NAV3: variants seen among roughly 807,000 people sequenced by gnomAD.
NAV3 encodes neuron navigator 3.
Under a neutral mutation model 244.7 loss-of-function variants are expected in NAV3, and 87 were observed. That is an observed-to-expected ratio of 0.36 (90% CI 0.30 to 0.42). NAV3 has a LOEUF of 0.42. Among genes scored for constraint, NAV3 ranks in the 20% least tolerant of loss-of-function variants. NAV3 has a pLI of 1.00. For missense variants in NAV3, 2,663 were observed against 2,893.3 expected (o/e 0.92, Z 1.83); for synonymous variants, 1,126 against 1,042.2 (o/e 1.08, Z -1.55).
At chr12:78,126,642 A>G (rs1955919061) in intron 16 of NAV3, among the ~76,000 whole-genome samples, 1 of 143,810 alleles carries the variant, frequency 7.0e-6, no homozygotes, top group Non-Finnish European at 1.6e-5. Context: ...AGAATCAATT[A>G]AGTTTTAAGC....
intron 2 of NAV3, among the ~76,000 whole-genome samples, chr12:77,665,949 T>C (rs533101073): frequency 3.9e-5 from 6 of 152,202 alleles, no homozygotes; most frequent in Non-Finnish European, 5.9e-5. Context: ...CATTTCGCTT[T>C]AATTCATTTA....
chr12:78,012,710 A>G (rs888258930), intron 8 of NAV3, among the ~76,000 whole-genome samples: 14 of 151,952 alleles, frequency 9.2e-5, no homozygotes, highest in Non-Finnish European at 1.6e-4. Context: ...ATCTCCAACC[A>G]CCTACTCCAG....
intron 2 of NAV3, among the ~76,000 whole-genome samples, chr12:77,734,843 A>G (rs145652301): frequency 6.6e-6 from 1 of 152,302 alleles, no homozygotes; most frequent in African/African-American, 2.4e-5. Context: ...GAAAGTAAAT[A>G]CTAGAACGCA....
chr12:77,811,368 T>G (rs1872278678), intron 2 of NAV3, among the ~76,000 whole-genome samples: 3 of 152,100 alleles, frequency 2.0e-5, no homozygotes, highest in Non-Finnish European at 4.4e-5. Flanking sequence ...GACTTAATAG[T>G]TAAGAGAGTA....
intron 2 of NAV3, among the ~76,000 whole-genome samples, chr12:77,633,381 T>C (rs1872002756): frequency 6.6e-6 from 1 of 152,088 alleles, no homozygotes; most frequent in African/African-American, 2.4e-5. Flanking sequence ...ATAACGTTAT[T>C]TTCCTGAAGC....
rs1565739091 is a variant in NAV3 at position 77,618,339 on chromosome 12, A to C, written c.72+46073A>C. On this transcript the variant is annotated intron_variant, in intron 2 of 8. Transcript: ENST00000550042. Reference sequence around the variant, plus strand: ...TAGTTACCCTGAGCAATAGTCAACTATACAGTACTTCATTGGAATGATTTT... The same window carrying C: ...TAGTTACCCTGAGCAATAGTCAACTCTACAGTACTTCATTGGAATGATTTT... Among the ~76,000 whole-genome samples the C allele has an allele frequency of 2.0e-5, 3 of 152,246 alleles. No homozygotes were observed. In the South Asian group the frequency reaches 6.2e-4, roughly 31 times the overall value.
chr12:77,936,723 T>C (rs1429960550), intron 1 of NAV3, among the ~76,000 whole-genome samples: 2 of 152,166 alleles, frequency 1.3e-5, no homozygotes, highest in African/African-American at 4.8e-5. Context: ...TTTCAGGACC[T>C]GATTTCACCA....
chr12:78,180,831 A>C, intron 29 of NAV3, 40 bp from the exon 30 acceptor site: 1 of 1,554,474 alleles, frequency 6.4e-7, no homozygotes, highest in Non-Finnish European at 8.7e-7. Context: ...TCTCAATCAA[A>C]CCAACTCAGT....
intron 12 of NAV3, among the ~76,000 whole-genome samples, chr12:78,096,922 C>G (rs1001685309): frequency 7.9e-5 from 12 of 152,142 alleles, no homozygotes; most frequent in African/African-American, 2.7e-4. Context: ...TCTGCTTTGT[C>G]CTGACCCTTT....
upstream of NAV3, among the ~76,000 whole-genome samples, chr12:77,830,242 G>A (rs1873465171): frequency 6.6e-6 from 1 of 152,178 alleles, no homozygotes; most frequent in Middle Eastern, 3.4e-3. Flanking sequence ...ATTTTAAGTT[G>A]GACGTCATAA....
intron 12 of NAV3, among the ~76,000 whole-genome samples, chr12:78,105,230 A>G (rs1954743004): frequency 6.6e-6 from 1 of 152,076 alleles, no homozygotes; most frequent in Non-Finnish European, 1.5e-5. Flanking sequence ...GCATTTTATT[A>G]TTGTGGTTGA....
chr12:77,905,717 A>G (rs150754178), intron 1 of NAV3, among the ~76,000 whole-genome samples: 49 of 152,274 alleles, frequency 3.2e-4, no homozygotes, highest in African/African-American at 9.9e-4. Flanking sequence ...TAGTATGTTT[A>G]GCTTTTGTAA....
chr12:77,815,880 T>C (rs905533219), intron 2 of NAV3, among the ~76,000 whole-genome samples: 13 of 152,112 alleles, frequency 8.5e-5, no homozygotes, highest in Admixed American at 3.3e-4. Context: ...AACTGGGTAA[T>C]TTTATATTAA....
At chr12:78,063,256 T>TA (rs991954064) in intron 12 of NAV3, among the ~76,000 whole-genome samples, 1 of 152,144 alleles carries the variant, frequency 6.6e-6, no homozygotes, top group Non-Finnish European at 1.5e-5. Flanking sequence ...TTTACTTGAC[T>TA]AAAAAAAAGA....
At position 78,140,275 on chromosome 12, in the gene NAV3, T is replaced by C; in HGVS notation, c.4631-7T>C. On this transcript the variant is annotated splice_polypyrimidine_tract_variant and splice_region_variant and intron_variant, in intron 19 of 39. Coordinates refer to ENST00000397909, the MANE Select transcript of NAV3 (RefSeq NM_001024383.2). ...TTTAACTCTATTGTTCTGTTTGTTT[T>C]CTCCAGTTCATGGCTCTTCATTATC... 1 of 1,612,524 alleles carries C rather than the reference T, an allele frequency of 6.2e-7. No individual in the cohort carries two copies. Among genetic ancestry groups the C allele is most frequent in the Non-Finnish European group, 8.5e-7 (1 of 1,178,690 alleles).
intron 1 of NAV3, among the ~76,000 whole-genome samples, chr12:77,835,176 A>C (rs996923277): frequency 6.6e-6 from 1 of 152,148 alleles, no homozygotes; most frequent in African/African-American, 2.4e-5. Context: ...ACTTAATTAA[A>C]AAGATACACC....
Position 77,642,276 on chromosome 12 carries a change from T to C in NAV3, c.72+70010T>C, listed in dbSNP as rs142691295. Among the ~76,000 whole-genome samples the C allele has an allele frequency of 4.0e-4, 61 of 152,208 alleles. 1 individual carries two copies. Among genetic ancestry groups the C allele is most frequent in the African/African-American group, 1.3e-3 (56 of 41,556 alleles). On this transcript the variant is annotated intron_variant, in intron 2 of 8. Transcript: ENST00000550042. ...TCCCAAGAGCTCAGTGTTTTAAAAA[T>C]CTTTAATTATTATTTTTTTCATTAA... is the stretch of plus-strand genomic sequence containing the variant.
chr12:77,597,939 G>A (rs749434597), intron 2 of NAV3, among the ~76,000 whole-genome samples: 4 of 151,916 alleles, frequency 2.6e-5, no homozygotes, highest in South Asian at 2.1e-4. Context: ...GAAGTAAAAC[G>A]GGGAATGGAA....
intron 1 of NAV3, among the ~76,000 whole-genome samples, chr12:77,934,679 G>C (rs747900944): frequency 2.0e-5 from 3 of 152,128 alleles, no homozygotes; most frequent in Admixed American, 6.5e-5. Flanking sequence ...TAGAAGTCCA[G>C]TTATTATCAT....
Sources: allele counts gnomAD v4.1 joint callset (sites outside exome capture counted in the v4.1 genomes callset), GRCh38; gene constraint gnomAD v4.1.1; transcripts MANE v1.5; gene names NCBI Gene and HGNC (gene_info 2026-07-23, HGNC 2026-07-21).